DGKB: variants seen among roughly 807,000 people sequenced by gnomAD.
The protein encoded by DGKB is diacylglycerol kinase beta, also known as 90 kDa diacylglycerol kinase.
Under a neutral mutation model 114.3 loss-of-function variants are expected in DGKB, and 67 were observed. The ratio of observed to expected loss-of-function variants is 0.59; its 90% CI spans 0.48 to 0.72. The LOEUF (loss-of-function observed/expected upper bound fraction) is 0.72. DGKB is among the 30% of genes least tolerant of loss of function. The pLI, the probability that DGKB is intolerant of heterozygous loss-of-function variation, is 0.00. For synonymous variants in DGKB, 398 were observed against 323.1 expected, an observed-to-expected ratio of 1.23 and a Z score of -2.49; for missense variants, 907 against 975.2, an observed-to-expected ratio of 0.93 and a Z score of 0.93.
intron 15 of DGKB, among the ~76,000 whole-genome samples, chr7:14,614,480 G>C (rs1419871412): frequency 6.6e-6 from 1 of 152,002 alleles, no homozygotes; most frequent in African/African-American, 2.4e-5. Flanking sequence ...TTTTTTGAAA[G>C]TACATTCAAA....
chr7:14,421,107 C>G (rs1826610261), intron 21 of DGKB, among the ~76,000 whole-genome samples: 2 of 152,060 alleles, frequency 1.3e-5, no homozygotes, highest in South Asian at 4.1e-4. Context: ...TATTACATAG[C>G]GTATAAGCAA....
At chr7:14,371,142 G>T (rs919615026) in intron 21 of DGKB, among the ~76,000 whole-genome samples, 2 of 152,120 alleles carry the variant, frequency 1.3e-5, no homozygotes, top group Non-Finnish European at 2.9e-5. Context: ...GAGTGCAGGT[G>T]TCTTTTTGGT....
At chr7:14,648,054 A>G (rs1009244278) in intron 13 of DGKB, among the ~76,000 whole-genome samples, 38 of 152,222 alleles carry the variant, frequency 2.5e-4, no homozygotes, top group Non-Finnish European at 5.0e-4. Context: ...GCAAGGCGGC[A>G]GCGAGGCTGG....
chr7:14,652,346 C>T (rs1814729502), intron 13 of DGKB, among the ~76,000 whole-genome samples: 1 of 152,076 alleles, frequency 6.6e-6, no homozygotes, highest in East Asian at 1.9e-4. Flanking sequence ...AATAACGCCG[C>T]ATATCTACAA....
At chr7:14,395,795 G>T (rs1583626786) in intron 21 of DGKB, among the ~76,000 whole-genome samples, 1 of 151,842 alleles carries the variant, frequency 6.6e-6, no homozygotes, top group Non-Finnish European at 1.5e-5. Context: ...ATAAAAAACA[G>T]TGAATTTAAG....
chr7:14,721,408 C>T (rs1000229764), intron 5 of DGKB, among the ~76,000 whole-genome samples: 2 of 151,988 alleles, frequency 1.3e-5, no homozygotes, highest in Admixed American at 6.6e-5. Context: ...AAGGAATATG[C>T]TACTGTACTA....
intron 23 of DGKB, among the ~76,000 whole-genome samples, chr7:14,244,342 C>T (rs907885168): frequency 1.3e-5 from 2 of 151,908 alleles, no homozygotes; most frequent in Admixed American, 6.6e-5. Flanking sequence ...TCTGTTAAAC[C>T]TGATCCTCAA....
chr7:14,585,979 C>G (rs1445939702), intron 17 of DGKB, among the ~76,000 whole-genome samples: 1 of 152,052 alleles, frequency 6.6e-6, no homozygotes, highest in Non-Finnish European at 1.5e-5. Flanking sequence ...CTCTTAATTC[C>G]CTTAGACACA....
intron 15 of DGKB, among the ~76,000 whole-genome samples, chr7:14,616,628 C>T (rs1395250815): frequency 6.6e-6 from 1 of 151,704 alleles, no homozygotes; most frequent in Non-Finnish European, 1.5e-5. Context: ...TATATTTATA[C>T]AGCATTTGAG....
intron 2 of DGKB, among the ~76,000 whole-genome samples, chr7:14,768,729 A>T (rs909970318): frequency 9.9e-5 from 15 of 152,010 alleles, no homozygotes; most frequent in African/African-American, 1.4e-4. Context: ...TACATTTTTT[A>T]AAAAATTTAG....
At chr7:14,660,881 A>G (rs201345721) in intron 13 of DGKB, among the ~76,000 whole-genome samples, 3,415 of 151,556 alleles carry the variant, frequency 0.023, 46 homozygotes, top group South Asian at 0.037. Context: ...ACAGAACAGA[A>G]CCCTCAGAAA....
At chr7:14,843,038 T>A (rs1848151152) in intron 1 of DGKB, among the ~76,000 whole-genome samples, 1 of 151,762 alleles carries the variant, frequency 6.6e-6, no homozygotes, top group Non-Finnish European at 1.5e-5. Flanking sequence ...CGAGACCCCA[T>A]CTCTACAAAA....
At chr7:14,852,658 A>T (rs1849569906) in intron 1 of DGKB, among the ~76,000 whole-genome samples, 1 of 152,056 alleles carries the variant, frequency 6.6e-6, no homozygotes, top group Non-Finnish European at 1.5e-5. Flanking sequence ...AAGAGGAGAA[A>T]AATGACTACG....
At chr7:14,526,873 C>T (rs963658922) in intron 20 of DGKB, among the ~76,000 whole-genome samples, 5 of 152,014 alleles carry the variant, frequency 3.3e-5, no homozygotes, top group African/African-American at 7.2e-5. Context: ...TCACCTATTT[C>T]GGCCACCATT....
chr7:14,627,056 G>C (rs1808725095), intron 14 of DGKB, among the ~76,000 whole-genome samples: 1 of 151,990 alleles, frequency 6.6e-6, no homozygotes, highest in Admixed American at 6.6e-5. Flanking sequence ...CATAAAACAG[G>C]CACTCAGTAA....
intron 23 of DGKB, among the ~76,000 whole-genome samples, chr7:14,308,953 C>G (rs371627442): frequency 2.6e-5 from 4 of 152,116 alleles, no homozygotes; most frequent in Non-Finnish European, 5.9e-5. Context: ...TGGTGGCTCA[C>G]GCCTGTAATC....
chr7:14,765,155 C>T (rs2128460970), intron 2 of DGKB, among the ~76,000 whole-genome samples: 1 of 152,038 alleles, frequency 6.6e-6, no homozygotes, highest in African/African-American at 2.4e-5. Flanking sequence ...AAATAATATT[C>T]TAATGATACT....
intron 23 of DGKB, among the ~76,000 whole-genome samples, chr7:14,201,567 C>T (rs575983109): frequency 4.0e-5 from 6 of 151,830 alleles, no homozygotes; most frequent in East Asian, 2.0e-4. Context: ...CAGTGGCCAC[C>T]GGGGTTCAGG....
intron 21 of DGKB, among the ~76,000 whole-genome samples, chr7:14,395,350 CT>C (rs1166419762): frequency 1.3e-5 from 2 of 151,978 alleles, no homozygotes; most frequent in Non-Finnish European, 2.9e-5. Context: ...TTAAAATAAT[CT>C]CTTCCAAGCC....
Sources: allele counts gnomAD v4.1 joint callset (sites outside exome capture counted in the v4.1 genomes callset), GRCh38; gene constraint gnomAD v4.1.1; transcripts MANE v1.5; gene names NCBI Gene and HGNC (gene_info 2026-07-23, HGNC 2026-07-21).